CCDC102B: variants seen among roughly 807,000 people sequenced by gnomAD.
The protein encoded by CCDC102B is coiled-coil domain containing 102B.
CCDC102B carries 75 observed loss-of-function variants against 57.4 expected under a neutral mutation model. The ratio of observed to expected loss-of-function variants is 1.31; its 90% CI spans 1.08 to 1.58. CCDC102B has a LOEUF of 1.58. Ranked by LOEUF, CCDC102B falls within the 40% of genes most tolerant of loss-of-function variation. CCDC102B has a pLI of 0.00. For synonymous variants in CCDC102B, 206 were observed against 201.9 expected, an observed-to-expected ratio of 1.02 and a Z score of -0.17; for missense variants, 636 against 582.6, an observed-to-expected ratio of 1.09 and a Z score of -0.94.
chr18:68,888,919 C>T (rs987940992), intron 5 of CCDC102B, among the ~76,000 whole-genome samples: 1 of 152,022 alleles, frequency 6.6e-6, no homozygotes, highest in African/African-American at 2.4e-5. Flanking sequence ...GATTCTGGAA[C>T]CTACTGATGA....
chr18:69,011,107 AC>A lies in CCDC102B; in HGVS notation c.1434+4del, dbSNP rs2051503342. 6.2e-7 allele frequency: 1 copy of A among 1,612,274 alleles called. No homozygotes were observed. The highest frequency in any genetic ancestry group is 8.5e-7 in the Non-Finnish European group (1 of 1,179,112). On this transcript the variant is annotated splice_donor_region_variant and intron_variant, in intron 7 of 7. Transcript: ENST00000360242. ...GACTCAATCAAAAAGAAGATGAGGT[AC>A]TACTTTATGAGTGAACACGTGCTGG... is the stretch of plus-strand genomic sequence containing the variant.
chr18:68,766,501 A>G (rs1022725871), intron 2 of CCDC102B, among the ~76,000 whole-genome samples: 5 of 152,190 alleles, frequency 3.3e-5, no homozygotes, highest in Non-Finnish European at 5.9e-5. Context: ...CAATGGATGG[A>G]CAGTGCTTAA....
At chr18:68,973,945 C>A (rs17080007) in intron 6 of CCDC102B, among the ~76,000 whole-genome samples, 3 of 151,994 alleles carry the variant, frequency 2.0e-5, no homozygotes, top group African/African-American at 7.2e-5. Flanking sequence ...GGCATCTTAG[C>A]GGCTGCAACA....
chr18:68,726,346 C>T (rs2032593913), intron 2 of CCDC102B, among the ~76,000 whole-genome samples: 1 of 152,132 alleles, frequency 6.6e-6, no homozygotes, highest in Admixed American at 6.5e-5. Flanking sequence ...CTAACATATG[C>T]CTACAGCAAC....
chr18:68,900,628 T>A (rs546969461), intron 6 of CCDC102B, among the ~76,000 whole-genome samples: 15 of 152,286 alleles, frequency 9.8e-5, no homozygotes, highest in Admixed American at 4.6e-4. Context: ...TGTCACACTG[T>A]GTTCAAAAAG....
intron 6 of CCDC102B, among the ~76,000 whole-genome samples, chr18:68,932,354 C>T (rs1250047723): frequency 6.6e-6 from 1 of 151,704 alleles, no homozygotes; most frequent in Non-Finnish European, 1.5e-5. Flanking sequence ...TCTCTTTGAA[C>T]TATTATTTGT....
At chr18:68,964,473 A>G (rs537052148) in intron 6 of CCDC102B, among the ~76,000 whole-genome samples, 4 of 150,358 alleles carry the variant, frequency 2.7e-5, no homozygotes, top group Non-Finnish European at 5.9e-5. Context: ...CTTTATTTAC[A>G]TGGCTGGCTT....
At chr18:68,889,384 C>T (rs986822053) in intron 5 of CCDC102B, among the ~76,000 whole-genome samples, 3 of 152,016 alleles carry the variant, frequency 2.0e-5, no homozygotes, top group African/African-American at 7.2e-5. Flanking sequence ...CTTGGACTTC[C>T]TAGCCTCCAG....
intron 1 of CCDC102B, among the ~76,000 whole-genome samples, chr18:68,826,765 A>G (rs1173274104): frequency 6.6e-6 from 1 of 152,224 alleles, no homozygotes; most frequent in Non-Finnish European, 1.5e-5. Flanking sequence ...AAATATAATT[A>G]CAAGGTTTGA....
rs1599384460 is a variant in CCDC102B, at chr18:68,734,418, A to G, written c.-67+17824A>G. Among the ~76,000 whole-genome samples, 3 of 152,256 alleles carry G rather than the reference A, an allele frequency of 2.0e-5. No homozygotes were observed. The East Asian group carries it at 5.8e-4, about 29-fold the overall frequency. ...TGTAAAATCCAGACTGTATTTTGTC[A>G]TCAGCATTGCAGAATGTTTTGAATG... On this transcript the variant is annotated intron_variant, in intron 2 of 3. Transcript: ENST00000578970.
chr18:68,877,264 G>T (rs2039486596), intron 5 of CCDC102B, among the ~76,000 whole-genome samples: 1 of 152,198 alleles, frequency 6.6e-6, no homozygotes, highest in Non-Finnish European at 1.5e-5. Context: ...AGAAGGGACT[G>T]TATCAATTAA....
At chr18:68,985,298 A>G (rs2050694878) in intron 6 of CCDC102B, among the ~76,000 whole-genome samples, 1 of 152,314 alleles carries the variant, frequency 6.6e-6, no homozygotes, top group African/African-American at 2.4e-5. Context: ...TCAGTTTAAT[A>G]TATTTTTGAA....
intron 2 of CCDC102B, among the ~76,000 whole-genome samples, chr18:68,723,044 C>A (rs1044860132): frequency 6.6e-6 from 1 of 151,970 alleles, no homozygotes; most frequent in Non-Finnish European, 1.5e-5. Flanking sequence ...CACAGTTCCT[C>A]ATGGCTGGGG....
chr18:69,034,005 A>G (rs2145451008), intron 7 of CCDC102B, among the ~76,000 whole-genome samples: 1 of 152,126 alleles, frequency 6.6e-6, no homozygotes, highest in Middle Eastern at 3.4e-3. Flanking sequence ...TCTTTGAAAA[A>G]AATTTATTCA....
intron 7 of CCDC102B, among the ~76,000 whole-genome samples, chr18:69,018,235 C>A (rs60662689): frequency 0.019 from 2,959 of 152,282 alleles, 107 homozygotes; most frequent in African/African-American, 0.067. Context: ...CGTATATACA[C>A]AACGTGTGTA....
intron 6 of CCDC102B, among the ~76,000 whole-genome samples, chr18:68,914,575 T>C (rs1256019980): frequency 6.6e-6 from 1 of 152,210 alleles, no homozygotes; most frequent in East Asian, 1.9e-4. Flanking sequence ...GTGCTTGTTT[T>C]TGGATTGCAT....
chr18:68,728,445 G>T (rs1287770406), intron 2 of CCDC102B, among the ~76,000 whole-genome samples: 1 of 152,274 alleles, frequency 6.6e-6, no homozygotes, highest in Non-Finnish European at 1.5e-5. Flanking sequence ...CAAAATTATG[G>T]CATGAGTTTT....
intron 6 of CCDC102B, among the ~76,000 whole-genome samples, chr18:68,914,401 G>A (rs907865335): frequency 6.6e-6 from 1 of 152,126 alleles, no homozygotes; most frequent in Non-Finnish European, 1.5e-5. Flanking sequence ...TGAGCTGCTG[G>A]GATAGACTCA....
rs1303853755 is a variant in CCDC102B, at chr18:68,761,515, T to G, written c.-67+44921T>G. ...GTCAAATTCTCAATTTTAAAATAAT[T>G]TTTTATTTAAATATTTGAATCTATA... On this transcript the variant is annotated intron_variant, in intron 2 of 3. Coordinates refer to the CCDC102B transcript ENST00000578970. Among the ~76,000 whole-genome samples, 12 of 151,548 alleles carry G rather than the reference T, an allele frequency of 7.9e-5. No homozygotes were observed. In the East Asian group the frequency reaches 2.3e-3, roughly 29 times the overall value.
Sources: allele counts gnomAD v4.1 joint callset (sites outside exome capture counted in the v4.1 genomes callset), GRCh38; gene constraint gnomAD v4.1.1; transcripts MANE v1.5; gene names NCBI Gene and HGNC (gene_info 2026-07-23, HGNC 2026-07-21).